The following CFAP299 variants were observed in gnomAD, a reference collection of about 807,000 sequenced individuals.
The protein encoded by CFAP299 is cilia- and flagella-associated protein 299.
Under a neutral mutation model 27.0 loss-of-function variants are expected in CFAP299, and 21 were observed. That is an observed-to-expected ratio of 0.78 (90% CI 0.55 to 1.12). The LOEUF (loss-of-function observed/expected upper bound fraction) is 1.12, where lower values mean the gene tolerates loss of function less well. CFAP299 is among the 50% of genes most tolerant of loss of function. CFAP299 has a pLI of 0.00. For missense variants in CFAP299, 310 were observed against 276.6 expected, an observed-to-expected ratio of 1.12 and a Z score of -0.86; for synonymous variants, 104 against 98.1, an observed-to-expected ratio of 1.06 and a Z score of -0.36.
chr4:80,868,903 C>CTG lies in CFAP299; in HGVS notation c.334-1089_334-1088insGT, dbSNP rs1400000607. On this transcript the variant is annotated intron_variant, in intron 3 of 5. Transcript: ENST00000358105. The stretch of plus-strand genomic sequence containing the variant: ...TAATTCCATGGGTGGGGGCTTCTCT[C>CTG]TCTGTGTGTGTGTGTGTGTGTGTGT... Among the ~76,000 whole-genome samples, 121 of 131,982 alleles carry CTG rather than the reference C, an allele frequency of 9.2e-4. 1 individual carries two copies. The highest frequency in any genetic ancestry group is 9.5e-4 in the Non-Finnish European group (61 of 64,346). 86.6% of individuals were successfully genotyped at this position (131,982 alleles called of 152,430 possible).
chr4:80,484,368 C>CT (rs1346662703), intron 2 of CFAP299, among the ~76,000 whole-genome samples: 4 of 152,040 alleles, frequency 2.6e-5, no homozygotes, highest in Admixed American at 2.0e-4. Context: ...CCTGTATAAC[C>CT]TGGCGGTTAG....
intron 2 of CFAP299, among the ~76,000 whole-genome samples, chr4:80,458,367 G>A (rs1276950543): frequency 6.6e-6 from 1 of 152,176 alleles, no homozygotes; most frequent in Non-Finnish European, 1.5e-5. Context: ...TGGACTACAG[G>A]CTGGAGTGCC....
At chr4:80,725,465 A>C (rs2110049786) in intron 3 of CFAP299, among the ~76,000 whole-genome samples, 1 of 152,196 alleles carries the variant, frequency 6.6e-6, no homozygotes, top group East Asian at 1.9e-4. Context: ...TGTTTTTAAG[A>C]GAAAGTTCTG....
At chr4:80,841,615 C>T (rs1730866415) in intron 3 of CFAP299, among the ~76,000 whole-genome samples, 2 of 151,640 alleles carry the variant, frequency 1.3e-5, no homozygotes, top group African/African-American at 2.4e-5. Flanking sequence ...ATATATGATC[C>T]CAAATTAGGA....
intron 3 of CFAP299, among the ~76,000 whole-genome samples, chr4:80,711,428 G>A (rs1448358979): frequency 6.6e-6 from 1 of 152,192 alleles, no homozygotes; most frequent in Non-Finnish European, 1.5e-5. Context: ...TCTTTCACCT[G>A]CCTACAGCCC....
chr4:80,621,501 T>G (rs945292837), intron 3 of CFAP299, among the ~76,000 whole-genome samples: 13 of 151,314 alleles, frequency 8.6e-5, no homozygotes, highest in African/African-American at 3.2e-4. Flanking sequence ...CACAATATCA[T>G]TTGTTGATTT....
intron 3 of CFAP299, among the ~76,000 whole-genome samples, chr4:80,816,951 T>A (rs938484743): frequency 1.3e-5 from 2 of 152,138 alleles, no homozygotes; most frequent in South Asian, 2.1e-4. Context: ...GGGCCACAGG[T>A]TGGACAAGCT....
intron 3 of CFAP299, among the ~76,000 whole-genome samples, chr4:80,838,277 T>A (rs188927718): frequency 6.6e-6 from 1 of 152,230 alleles, no homozygotes; most frequent in South Asian, 2.1e-4. Context: ...TTAGATCCCA[T>A]TTGTCAATTT....
intron 3 of CFAP299, among the ~76,000 whole-genome samples, chr4:80,715,871 G>T (rs965695784): frequency 1.3e-5 from 2 of 151,986 alleles, no homozygotes; most frequent in Non-Finnish European, 2.9e-5. Flanking sequence ...GTAGAGCAGT[G>T]TTCAAAAGTC....
intron 3 of CFAP299, among the ~76,000 whole-genome samples, chr4:80,591,458 A>T (rs922034502): frequency 5.3e-5 from 8 of 152,160 alleles, no homozygotes; most frequent in Non-Finnish European, 1.2e-4. Flanking sequence ...AACAAACAAA[A>T]ATCATGCAGC....
intron 2 of CFAP299, chr4:80,386,234 C>T (rs961755693): frequency 1.9e-6 from 2 of 1,066,840 alleles, no homozygotes; most frequent in Admixed American, 2.1e-5. Flanking sequence ...GGGCCCTCGG[C>T]CCCGGCCTGC....
Position 80,864,467 on chromosome 4 carries a change from T to C in CFAP299, c.334-5526T>C, listed in dbSNP as rs576517725. On this transcript the variant is annotated intron_variant, in intron 3 of 5. Transcript: ENST00000358105. ...ATATATACCTATATAAGTATATATA[T>C]ACCTATGTGTATACATATATACACA... Among the ~76,000 whole-genome samples the C allele has an allele frequency of 2.3e-3, 330 of 143,450 alleles. 2 individuals are homozygous for C. The highest frequency in any genetic ancestry group is 3.7e-3 in the Non-Finnish European group (248 of 66,382). The allele number at this position is 143,450 out of a possible 152,430, so 94.1% of individuals were successfully genotyped here.
chr4:80,553,556 G>C (rs1363839601), intron 2 of CFAP299, among the ~76,000 whole-genome samples: 1 of 152,142 alleles, frequency 6.6e-6, no homozygotes, highest in African/African-American at 2.4e-5. Context: ...TGGTAGTTCT[G>C]CTTTCAGCTT....
At chr4:80,739,786 C>A (rs185899184) in intron 3 of CFAP299, among the ~76,000 whole-genome samples, 1 of 151,826 alleles carries the variant, frequency 6.6e-6, no homozygotes, top group East Asian at 1.9e-4. Flanking sequence ...CTATCTCTTT[C>A]TCTCCTCATT....
intron 3 of CFAP299, among the ~76,000 whole-genome samples, chr4:80,655,912 CTGTT>C (rs1054284545): frequency 6.6e-6 from 1 of 152,152 alleles, no homozygotes; most frequent in African/African-American, 2.4e-5. Flanking sequence ...TCCTTGCTCT[CTGTT>C]TGAAGAGCTG....
intron 4 of CFAP299, chr4:80,873,100 A>G: frequency 9.3e-6 from 7 of 750,482 alleles, no homozygotes; most frequent in Non-Finnish European, 1.1e-5. Flanking sequence ...TTTTGATTTT[A>G]TATCTTTAAC....
At chr4:80,800,485 A>T (rs559043776) in intron 3 of CFAP299, among the ~76,000 whole-genome samples, 126 of 2,570 alleles carry the variant, frequency 0.049, 8 homozygotes, top group African/African-American at 0.073. Flanking sequence ...ATATTATATA[A>T]TATATAATAT....
chr4:80,893,716 A>G (rs147892186), intron 4 of CFAP299, among the ~76,000 whole-genome samples: 10 of 152,114 alleles, frequency 6.6e-5, no homozygotes, highest in African/African-American at 2.4e-4. Flanking sequence ...AAAAATAAAC[A>G]AAATAGATTA....
chr4:80,730,228 T>TTCTCTCTCTC (rs569112636), intron 3 of CFAP299, among the ~76,000 whole-genome samples: 6 of 134,124 alleles, frequency 4.5e-5, no homozygotes, highest in African/African-American at 1.7e-4. Context: ...AGGTCTCTCT[T>TTCTCTCTCTC]TCTCTCTCTC....
Sources: gnomAD v4.1 joint callset for allele counts (sites outside exome capture counted in the v4.1 genomes callset) on GRCh38, gnomAD v4.1.1 for gene constraint, MANE v1.5 for transcripts, NCBI Gene and HGNC (gene_info 2026-07-23, HGNC 2026-07-21) for gene names.